ITGB8: variants seen among roughly 807,000 people sequenced by gnomAD.
The protein encoded by ITGB8 is integrin beta-8.
ITGB8 carries 30 observed loss-of-function variants against 89.5 expected under a neutral mutation model. The observed-to-expected ratio is 0.34, with a 90% confidence interval of 0.25 to 0.45. ITGB8 has a LOEUF of 0.45. Ranked by LOEUF, ITGB8 falls within the 20% of genes least tolerant of loss-of-function variation. The pLI, the probability that ITGB8 is intolerant of heterozygous loss-of-function variation, is 1.00. For synonymous variants in ITGB8, 335 were observed against 320.4 expected, an observed-to-expected ratio of 1.05 and a Z score of -0.49; for missense variants, 836 against 933.3, an observed-to-expected ratio of 0.90 and a Z score of 1.36.
intron 1 of ITGB8, among the ~76,000 whole-genome samples, chr7:20,351,656 G>C (rs1443870911): frequency 2.0e-5 from 3 of 152,182 alleles, no homozygotes; most frequent in Non-Finnish European, 4.4e-5. Context: ...CAAATCCTAA[G>C]TGACCTAAAA....
In ITGB8 at chr7:20,331,580, G is replaced by C; in HGVS notation, c.-227G>C. ...GGAGGTGCTTCTCGCGGAGACCGCG[G>C]GACCCGCCGTGCCGAGCCGGGAGGG... On this transcript the variant is annotated 5_prime_UTR_variant, in exon 1 of 14. Coordinates refer to ENST00000222573, the MANE Select transcript of ITGB8 (RefSeq NM_002214.3). The C allele has an allele frequency of 4.3e-6, 2 of 470,498 alleles. No homozygotes were observed. The highest frequency in any genetic ancestry group is 3.6e-6 in the Non-Finnish European group (1 of 278,742). 29.1% of individuals were successfully genotyped at this position (470,498 alleles called of 1,614,324 possible).
chr7:20,344,118 A>G (rs1185836965), intron 1 of ITGB8, among the ~76,000 whole-genome samples: 1 of 151,992 alleles, frequency 6.6e-6, no homozygotes, highest in African/African-American at 2.4e-5. Context: ...AGCCTGAGGA[A>G]CTGTGTGGGC....
rs1787813034 is a variant in ITGB8 at position 20,412,903 on chromosome 7, A to T, written c.*2906A>T. The T allele has an allele frequency of 6.6e-6, 1 of 152,580 alleles. No homozygotes were observed. Among genetic ancestry groups the T allele is most frequent in the African/African-American group, 2.4e-5 (1 of 41,440 alleles). The allele number at this position is 152,580 out of a possible 1,614,324, so 9.5% of individuals were successfully genotyped here. A position where few individuals can be genotyped will look rare whatever the true frequency, so the allele number is the denominator to read the frequency against. ...AATATGGCCACAGGAGCCTTTTGAGATTCATTGATATTAAACACAATTAAT... is the reference window on the plus strand; with the variant it reads ...AATATGGCCACAGGAGCCTTTTGAGTTTCATTGATATTAAACACAATTAAT... On this transcript the variant is annotated 3_prime_UTR_variant, in exon 14 of 14. Transcript: ENST00000222573.
chr7:20,384,558 C>T (rs1786527928), intron 6 of ITGB8, among the ~76,000 whole-genome samples: 1 of 152,182 alleles, frequency 6.6e-6, no homozygotes, highest in Admixed American at 6.5e-5. Context: ...CTTTTACAAA[C>T]AGCAGGACTG....
At chr7:20,367,399 A>T (rs17142734) in intron 3 of ITGB8, among the ~76,000 whole-genome samples, 15,667 of 152,106 alleles carry the variant, frequency 0.1, 1,061 homozygotes, top group East Asian at 0.42. Flanking sequence ...ACTATATTCT[A>T]ATTATGTGTT....
rs1787736759 is a variant in ITGB8, at chr7:20,410,857, TTTTGTATCCTC to T, written c.*863_*873del. The T allele has an allele frequency of 6.6e-6, 1 of 152,502 alleles. No homozygotes were observed. The highest frequency in any genetic ancestry group is 1.5e-5 in the Non-Finnish European group (1 of 68,004). 9.4% of individuals were successfully genotyped at this position (152,502 alleles called of 1,614,324 possible). A position where few individuals can be genotyped will look rare whatever the true frequency, so the allele number is the denominator to read the frequency against. On this transcript the variant is annotated 3_prime_UTR_variant, in exon 14 of 14. Transcript: ENST00000222573. Reference sequence around the variant, plus strand: ...AGCTTCATTGTGCACAAGTGTGGAGTTTTGTATCCTCTTACCTGGTAAACTGAAGGGATTGT... The same window carrying T: ...AGCTTCATTGTGCACAAGTGTGGAGTTTACCTGGTAAACTGAAGGGATTGT...
intron 3 of ITGB8, among the ~76,000 whole-genome samples, chr7:20,374,096 G>A (rs1245397025): frequency 6.6e-6 from 1 of 152,148 alleles, no homozygotes; most frequent in African/African-American, 2.4e-5. Context: ...AAGGCATGAG[G>A]ATAAAGCTTT....
chr7:20,399,564 A>AT (rs1787222160), intron 9 of ITGB8, among the ~76,000 whole-genome samples: 1 of 55,088 alleles, frequency 1.8e-5, no homozygotes. Context: ...GTCATCATTT[A>AT]CCAAAAAAAA....
chr7:20,332,402 C>T (rs1419988269), intron 1 of ITGB8, among the ~76,000 whole-genome samples: 2 of 152,052 alleles, frequency 1.3e-5, no homozygotes, highest in African/African-American at 2.4e-5. Context: ...AAAAAGACAG[C>T]ATACAAGTTT....
Position 20,367,076 on chromosome 7 carries a change from G to A in ITGB8, c.278G>A (p.Gly93Asp), listed in dbSNP as rs1252177451. The A allele has an allele frequency of 6.2e-7, 1 of 1,612,130 alleles. No individual in the cohort carries two copies. Among genetic ancestry groups the A allele is most frequent in the Admixed American group, 1.7e-5 (1 of 59,942 alleles). The change falls in exon 3 of 14, where the codon GGC (glycine) becomes GAC (aspartate). Residue 93 changes from glycine (G) to aspartate (D), a missense_variant. Physicochemically the swap from Gly to Asp is moderately conservative, Grantham distance 94 (BLOSUM62 -1). This residue lies in a region of ITGB8 where 182 missense variants were observed against 177.0 expected (regional missense o/e 1.03). Transcript: ENST00000222573. ...CDIVSNLISK[G>D]CSVDSIEYPS... ...ATTGTTTCCAATTTAATAAGCAAAG[G>A]CTGCTCAGTTGATTCAATAGAATAC...
chr7:20,341,837 C>G lies in ITGB8; in HGVS notation c.127+9904C>G, dbSNP rs182211097. Among the ~76,000 whole-genome samples the G allele has an allele frequency of 1.2e-4, 18 of 151,166 alleles. No homozygotes were observed. In the East Asian group the frequency reaches 2.9e-3, roughly 24 times the overall value. On this transcript the variant is annotated intron_variant, in intron 1 of 13. Transcript: ENST00000222573. ...TTGACTTTTGGGCATTATGAAAAGT[C>G]AGACATCAGGGCTTTTTGGACAAAT...
intron 6 of ITGB8, among the ~76,000 whole-genome samples, chr7:20,385,198 T>C (rs1786557944): frequency 1.3e-5 from 2 of 152,162 alleles, no homozygotes; most frequent in East Asian, 3.8e-4. Context: ...TCAGTAACAA[T>C]GAAAGAAGAC....
chr7:20,409,820 G>A, intron 13 of ITGB8, 42 bp downstream of exon 13: 7 of 1,609,942 alleles, frequency 4.3e-6, no homozygotes, highest in Non-Finnish European at 5.9e-6. Context: ...GTATGTTATT[G>A]CCTAGTTACA....
intron 6 of ITGB8, among the ~76,000 whole-genome samples, chr7:20,388,699 C>A (rs1272626188): frequency 6.6e-6 from 1 of 151,650 alleles, no homozygotes; most frequent in African/African-American, 2.4e-5. Context: ...AGGTTTGTTA[C>A]CTATGTATAC....
chr7:20,394,870 T>C, intron 7 of ITGB8, 26 bp from the exon 8 acceptor site: 1 of 1,492,396 alleles, frequency 6.7e-7, no homozygotes, highest in Non-Finnish European at 9.4e-7. Context: ...TTGTCATTGT[T>C]TAAATGCTAC....
At chr7:20,398,781 A>T (rs934230705) in intron 8 of ITGB8, 79 bp from the exon 9 acceptor site, 3 of 1,033,986 alleles carry the variant, frequency 2.9e-6, no homozygotes, top group Non-Finnish European at 4.0e-6. Context: ...ATCTATAATG[A>T]TTTAATAAGC....
chr7:20,399,009 AT>A lies in ITGB8; in HGVS notation c.1281+20del. On this transcript the variant is annotated intron_variant, in intron 9 of 13. Coordinates refer to ENST00000222573, the MANE Select transcript of ITGB8 (RefSeq NM_002214.3). ...GCAATGATGAAGTATGTGGGTGTGC[AT>A]TTTTCCCTTTTAAAATAAACTAAGT... 4 of 1,600,176 alleles carry A rather than the reference AT, an allele frequency of 2.5e-6. No homozygotes were observed. Among genetic ancestry groups the A allele is most frequent in the East Asian group, 2.3e-5 (1 of 44,338 alleles).
At position 20,412,942 on chromosome 7, in the gene ITGB8, G is replaced by A. The variant is rs767210818; in HGVS notation, c.*2945G>A. 11 of 152,504 alleles carry A rather than the reference G, an allele frequency of 7.2e-5. No individual in the cohort carries two copies. The highest frequency in any genetic ancestry group is 2.1e-4 in the South Asian group (1 of 4,810). The allele number at this position is 152,504 out of a possible 1,614,324, so 9.4% of individuals were successfully genotyped here. A position where few individuals can be genotyped will look rare whatever the true frequency, so the allele number is the denominator to read the frequency against. On this transcript the variant is annotated 3_prime_UTR_variant, in exon 14 of 14. Coordinates refer to ENST00000222573, the MANE Select transcript of ITGB8 (RefSeq NM_002214.3). ...AACACAATTAATGAAATTTTAAATT[G>A]TTAACAGAATTGAGAACTTGAACAA...
intron 1 of ITGB8, among the ~76,000 whole-genome samples, chr7:20,341,492 G>A (rs1458371426): frequency 6.6e-6 from 1 of 152,164 alleles, no homozygotes; most frequent in Non-Finnish European, 1.5e-5. Context: ...CTGAAAATAT[G>A]AGAACTAAAT....
Sources: allele counts gnomAD v4.1 joint callset (sites outside exome capture counted in the v4.1 genomes callset), GRCh38; gene constraint gnomAD v4.1.1; regional missense constraint gnomAD v4.1.1; transcripts MANE v1.5; gene names NCBI Gene and HGNC (gene_info 2026-07-23, HGNC 2026-07-21).